KPNA3: variants seen among roughly 807,000 people sequenced by gnomAD.
KPNA3 encodes karyopherin subunit alpha 3.
KPNA3 carries 13 observed loss-of-function variants against 73.8 expected under a neutral mutation model. The observed-to-expected ratio is 0.18, with a 90% CI of 0.11 to 0.28. KPNA3 has a LOEUF of 0.28. Ranked by LOEUF, KPNA3 falls within the 10% of genes least tolerant of loss-of-function variation. KPNA3 has a pLI of 1.00. For synonymous variants in KPNA3, 186 were observed against 206.9 expected (o/e 0.90, Z 0.87); for missense variants, 360 against 618.1 (o/e 0.58, Z 4.43).
chr13:49,764,828 T>C (rs1954796507), intron 1 of KPNA3, among the ~76,000 whole-genome samples: 1 of 152,196 alleles, frequency 6.6e-6, no homozygotes, highest in Admixed American at 6.5e-5. Context: ...CCAAAATTTT[T>C]GAAAAAGTAG....
At chr13:49,778,582 CAATAT>C (rs1954915737) in intron 1 of KPNA3, among the ~76,000 whole-genome samples, 1 of 152,128 alleles carries the variant, frequency 6.6e-6, no homozygotes, top group Admixed American at 6.5e-5. Flanking sequence ...CATGGGAGTT[CAATAT>C]ATTATTCTCT....
At chr13:49,746,064 GAAAA>G (rs398022733) in intron 2 of KPNA3, among the ~76,000 whole-genome samples, 1 of 83,084 alleles carries the variant, frequency 1.2e-5, no homozygotes, top group Non-Finnish European at 2.4e-5. Flanking sequence ...CTCTGCATCA[GAAAA>G]AAAAAAAAAA....
At chr13:49,722,406 T>C (rs1954368118) in intron 8 of KPNA3, 71 bp downstream of exon 8, 2 of 979,836 alleles carry the variant, frequency 2.0e-6, no homozygotes, top group East Asian at 2.4e-5. Flanking sequence ...AAACATAGTA[T>C]GTAATGGCTA....
In KPNA3 at chr13:49,725,494, A is replaced by C. The variant is rs1350942003; in HGVS notation, c.391T>G (p.Leu131Val). 1 of 1,601,416 alleles carries C rather than the reference A, an allele frequency of 6.2e-7. No homozygotes were observed. The highest frequency in any genetic ancestry group is 2.2e-5 in the East Asian group (1 of 44,838). Reference sequence around the variant, plus strand: ...AATGCCCAAGCAGCTTCAAACTGTAATGAAGGACTGTAAAAAAACAATAAC... The same window carrying C: ...AATGCCCAAGCAGCTTCAAACTGTACTGAAGGACTGTAAAAAAACAATAAC... ...KCLERDDNPSLQFEAAWALTN... is the reference protein window; with the variant it reads ...KCLERDDNPSVQFEAAWALTN... The change falls in exon 7 of 17, where the codon TTA becomes GTA. Residue 131 changes from leucine to valine, a missense_variant. By Grantham distance (32) the Leu-to-Val change is conservative. Around this residue, in one of 3 missense-constraint regions of KPNA3, gnomAD observed 287 missense variants for 549.1 expected, o/e 0.52. Transcript: ENST00000261667.
chr13:49,707,041 G>C (rs1025210550), intron 12 of KPNA3, among the ~76,000 whole-genome samples: 8 of 152,070 alleles, frequency 5.3e-5, no homozygotes, highest in African/African-American at 1.9e-4. Context: ...GAGCCACCGC[G>C]CCCAGCCACT....
chr13:49,763,497 T>C (rs1489795836), intron 1 of KPNA3, among the ~76,000 whole-genome samples: 2 of 152,152 alleles, frequency 1.3e-5, no homozygotes, highest in Non-Finnish European at 2.9e-5. Flanking sequence ...TAGCTAAGAA[T>C]TTTCCAGAAT....
chr13:49,780,346 T>A (rs146694200), intron 1 of KPNA3, among the ~76,000 whole-genome samples: 36 of 152,278 alleles, frequency 2.4e-4, no homozygotes, highest in Non-Finnish European at 4.7e-4. Flanking sequence ...AAAAATATTA[T>A]GGCTCTTTAC....
intron 1 of KPNA3, among the ~76,000 whole-genome samples, chr13:49,769,050 C>T (rs1469731446): frequency 1.3e-5 from 2 of 152,162 alleles, no homozygotes; most frequent in Non-Finnish European, 2.9e-5. Context: ...AGAATAGGCT[C>T]TCCTCCAGTT....
At chr13:49,723,512 T>C (rs910635129) in intron 7 of KPNA3, among the ~76,000 whole-genome samples, 4 of 151,534 alleles carry the variant, frequency 2.6e-5, no homozygotes, top group Non-Finnish European at 5.9e-5. Flanking sequence ...GAGGTTGCAG[T>C]GAGCCAAGAT....
chr13:49,705,359 CAA>C (rs34997868), intron 15 of KPNA3, among the ~76,000 whole-genome samples: 15,909 of 117,086 alleles, frequency 0.14, 997 homozygotes, highest in South Asian at 0.31. Context: ...ATTCTGTCTC[CAA>C]AAAAAAAAAA....
intron 1 of KPNA3, among the ~76,000 whole-genome samples, chr13:49,791,367 A>C (rs1955031359): frequency 6.6e-6 from 1 of 152,234 alleles, no homozygotes; most frequent in African/African-American, 2.4e-5. Flanking sequence ...TCACGGTCCC[A>C]GTGAAGTTTG....
chr13:49,701,993 A>C, intron 16 of KPNA3, 95 bp from the exon 17 acceptor site: 1 of 744,458 alleles, frequency 1.3e-6, no homozygotes, highest in African/African-American at 1.8e-5. Context: ...AAATAATTCT[A>C]TGTGAATGCT....
chr13:49,784,329 A>C (rs1196875120), intron 1 of KPNA3, among the ~76,000 whole-genome samples: 1 of 152,214 alleles, frequency 6.6e-6, no homozygotes, highest in African/African-American at 2.4e-5. Flanking sequence ...CACCAGAAGG[A>C]AACAGACAAA....
At chr13:49,770,945 T>A (rs1406238680) in intron 1 of KPNA3, among the ~76,000 whole-genome samples, 2 of 151,938 alleles carry the variant, frequency 1.3e-5, no homozygotes, top group African/African-American at 4.8e-5. Flanking sequence ...TGTCTATCCT[T>A]ATGCCAGTAT....
chr13:49,724,989 G>A (rs913984784), intron 7 of KPNA3, among the ~76,000 whole-genome samples: 1 of 152,156 alleles, frequency 6.6e-6, no homozygotes, highest in African/African-American at 2.4e-5. Context: ...CCTAAAATTA[G>A]CTAAGTGTCC....
chr13:49,722,915 C>T (rs1051971885), intron 7 of KPNA3, among the ~76,000 whole-genome samples: 1 of 150,314 alleles, frequency 6.7e-6, no homozygotes, highest in African/African-American at 2.4e-5. Context: ...ATCTCAATTC[C>T]TGATACGGGG....
intron 2 of KPNA3, among the ~76,000 whole-genome samples, chr13:49,737,720 T>G (rs1471669892): frequency 6.6e-6 from 1 of 152,048 alleles, no homozygotes; most frequent in African/African-American, 2.4e-5. Flanking sequence ...GAGTTGTTTT[T>G]GCCTCAGCCT....
intron 6 of KPNA3, among the ~76,000 whole-genome samples, chr13:49,732,085 G>C (rs3736830): frequency 0.73 from 110,325 of 151,992 alleles, 41,370 homozygotes; most frequent in Non-Finnish European, 0.84. Flanking sequence ...TAAAATATTA[G>C]TAATAAAAAA....
intron 7 of KPNA3, 72 bp from the exon 8 acceptor site, chr13:49,722,635 T>C (rs566364004): frequency 8.8e-6 from 8 of 906,374 alleles, no homozygotes; most frequent in East Asian, 2.6e-5. Context: ...ATCAAAGAAA[T>C]TGATCAAATA....
Sources: allele counts gnomAD v4.1 joint callset (sites outside exome capture counted in the v4.1 genomes callset), GRCh38; gene constraint gnomAD v4.1.1; regional missense constraint gnomAD v4.1.1; transcripts MANE v1.5; gene names NCBI Gene and HGNC (gene_info 2026-07-23, HGNC 2026-07-21).